The following CFAP92 variants were observed in gnomAD, a reference collection of about 807,000 sequenced individuals.
CFAP92 encodes the protein uncharacterized protein CFAP92.
In CFAP92, 86 loss-of-function variants were observed where a neutral mutation model predicts 106.3. That is an observed-to-expected ratio of 0.81 (90% CI 0.68 to 0.97). The LOEUF (loss-of-function observed/expected upper bound fraction) is 0.97. Ranked by LOEUF, CFAP92 falls within the 50% of genes least tolerant of loss-of-function variation. CFAP92 has a pLI of 0.00. For missense variants in CFAP92, 1,204 were observed against 1,283.8 expected, an observed-to-expected ratio of 0.94 and a Z score of 0.95; for synonymous variants, 477 against 506.4, an observed-to-expected ratio of 0.94 and a Z score of 0.78.
chr3:128,965,262 C>G (rs1178764196), intron 9 of CFAP92, among the ~76,000 whole-genome samples: 2 of 152,202 alleles, frequency 1.3e-5, no homozygotes, highest in African/African-American at 2.4e-5. Flanking sequence ...CTTCCCAAAT[C>G]CTATAAAACG....
intron 10 of CFAP92, among the ~76,000 whole-genome samples, chr3:128,943,880 TTTTG>T (rs1288234391): frequency 6.6e-6 from 1 of 151,822 alleles, no homozygotes; most frequent in Admixed American, 6.6e-5. Context: ...ACTTATTATC[TTTTG>T]TTTATCAGTT....
chr3:129,000,322 A>G (rs1944663922), intron 1 of CFAP92, among the ~76,000 whole-genome samples: 1 of 152,248 alleles, frequency 6.6e-6, no homozygotes, highest in Non-Finnish European at 1.5e-5. Flanking sequence ...TACTCTGGGC[A>G]AAGCCTTCAA....
chr3:128,910,334 CTGAG>C lies in CFAP92; in HGVS notation c.3281-5_3281-2del. The C allele has an allele frequency of 6.8e-7, 1 of 1,474,802 alleles. No individual in the cohort carries two copies. Among genetic ancestry groups the C allele is most frequent in the African/African-American group, 1.4e-5 (1 of 71,294 alleles). 91.4% of individuals were successfully genotyped at this position (1,474,802 alleles called of 1,614,324 possible). A position where few individuals can be genotyped will look rare whatever the true frequency, so the allele number is the denominator to read the frequency against. On this transcript the variant is annotated splice_acceptor_variant and splice_polypyrimidine_tract_variant and intron_variant, in intron 15 of 15. Coordinates refer to ENST00000645291, the MANE Select transcript of CFAP92 (RefSeq NM_001394090.1). LOFTEE classifies it high-confidence loss of function. Reference sequence around the variant, plus strand: ...GGGCTGTTCCCTTTCTTCTTCCTGACTGAGAGAAGAGGGGGTGAGTGACAGGGGT... The same window carrying C: ...GGGCTGTTCCCTTTCTTCTTCCTGACAGAAGAGGGGGTGAGTGACAGGGGT...
chr3:128,980,366 CAA>C (rs71153158), intron 4 of CFAP92, among the ~76,000 whole-genome samples: 25,985 of 100,760 alleles, frequency 0.26, 2,529 homozygotes, highest in Middle Eastern at 0.3. Flanking sequence ...GACCCTGTCT[CAA>C]AAAAAAAAAA....
intron 10 of CFAP92, among the ~76,000 whole-genome samples, 199 bp downstream of exon 10, chr3:128,944,871 TC>T (rs1383792124): frequency 6.6e-6 from 1 of 152,068 alleles, no homozygotes; most frequent in Non-Finnish European, 1.5e-5. Context: ...TCTTAGATAC[TC>T]CCGAATTCCT....
At chr3:128,961,460 T>A (rs898066650) in intron 9 of CFAP92, among the ~76,000 whole-genome samples, 2 of 150,410 alleles carry the variant, frequency 1.3e-5, no homozygotes, top group African/African-American at 2.5e-5. Context: ...CCTATAATCC[T>A]TTTATCACCT....
At chr3:128,912,619 G>C (rs754971675) in intron 15 of CFAP92, 12 of 1,600,696 alleles carry the variant, frequency 7.5e-6, no homozygotes, top group Middle Eastern at 1.6e-4. Context: ...GCAGGGGACA[G>C]TGTCCCCTGC....
intron 2 of CFAP92, 99 bp downstream of exon 2, chr3:128,992,944 G>A: frequency 7.0e-7 from 1 of 1,418,982 alleles, no homozygotes; most frequent in Admixed American, 1.7e-5. Flanking sequence ...GGGTGGGGCA[G>A]GTGGAGAGAG....
intron 15 of CFAP92, among the ~76,000 whole-genome samples, chr3:128,913,676 T>C (rs985287152): frequency 1.3e-5 from 2 of 152,142 alleles, no homozygotes; most frequent in Non-Finnish European, 2.9e-5. Context: ...CTTGGAGAGC[T>C]GAGCTGGCTG....
chr3:128,970,468 T>C (rs916881144), intron 8 of CFAP92: 3 of 150,794 alleles, frequency 2.0e-5, no homozygotes, highest in Non-Finnish European at 2.9e-5. Flanking sequence ...ACAAGACACG[T>C]GATGGCAAAA....
chr3:129,026,599 C>T, the CFAP92 span, among the ~76,000 whole-genome samples: 1 of 152,194 alleles, frequency 6.6e-6, no homozygotes, highest in Non-Finnish European at 1.5e-5. Context: ...CCCATCTTTG[C>T]TGTCTCACCC....
chr3:128,970,828 G>A (rs1304177074), intron 8 of CFAP92: 1 of 162,490 alleles, frequency 6.2e-6, no homozygotes, highest in Non-Finnish European at 1.3e-5. Flanking sequence ...TTGGCTGAGT[G>A]GGTCAGAATT....
chr3:128,963,365 T>G (rs930977241), intron 9 of CFAP92, among the ~76,000 whole-genome samples: 30 of 152,336 alleles, frequency 2.0e-4, no homozygotes, highest in African/African-American at 6.7e-4. Context: ...GCCGCTGCTT[T>G]AATACTGTTA....
At chr3:128,973,900 C>G (rs983705126) in intron 7 of CFAP92, among the ~76,000 whole-genome samples, 6 of 152,218 alleles carry the variant, frequency 3.9e-5, no homozygotes, top group African/African-American at 1.4e-4. Context: ...TGGCAAAATG[C>G]TAACACCTAA....
Position 128,919,749 on chromosome 3 carries a change from T to C in CFAP92, c.2752-3478A>G, listed in dbSNP as rs538016241. On this transcript the variant is annotated intron_variant, in intron 12 of 15. Coordinates refer to ENST00000645291, the MANE Select transcript of CFAP92 (RefSeq NM_001394090.1). Reference sequence around the variant, plus strand: ...AAAGAAGCTTAAGAAGTTTAGAAGCTAAGGAGGTATTTTGGAAAATGCTGC... The same window carrying C: ...AAAGAAGCTTAAGAAGTTTAGAAGCCAAGGAGGTATTTTGGAAAATGCTGC... Among the ~76,000 whole-genome samples the C allele has an allele frequency of 9.2e-5, 14 of 152,330 alleles. No individual in the cohort carries two copies. The South Asian group carries it at 2.9e-3, about 32-fold the overall frequency.
At chr3:128,987,213 G>T (rs928735231) in intron 4 of CFAP92, among the ~76,000 whole-genome samples, 1 of 152,094 alleles carries the variant, frequency 6.6e-6, no homozygotes, top group Non-Finnish European at 1.5e-5. Context: ...AATGAGTCTG[G>T]AAGAGTCTAC....
intron 9 of CFAP92, among the ~76,000 whole-genome samples, chr3:128,964,880 C>T (rs544764703): frequency 1.1e-4 from 16 of 152,226 alleles, no homozygotes; most frequent in Middle Eastern, 3.4e-3. Flanking sequence ...CTCTCCACAC[C>T]ACCCCCCAAA....
At chr3:128,991,888 T>G in intron 2 of CFAP92, 2 of 986,630 alleles carry the variant, frequency 2.0e-6, no homozygotes, top group Non-Finnish European at 2.4e-6. Context: ...AGATGTGAAG[T>G]ACTACTTGTC....
chr3:128,959,484 G>A lies in CFAP92; in HGVS notation c.1353+6027C>T, dbSNP rs536745126. On this transcript the variant is annotated intron_variant, in intron 9 of 15. Transcript: ENST00000645291. The stretch of plus-strand genomic sequence containing the variant: ...ATAAATCTCCCATTGACCTTTTCTC[G>A]AGAAGCTACTAGAGGATGCACTCCA... Among the ~76,000 whole-genome samples, 13 of 152,210 alleles carry A rather than the reference G, an allele frequency of 8.5e-5. No individual in the cohort carries two copies. The South Asian group carries it at 1.7e-3, about 19-fold the overall frequency.
Sources: gnomAD v4.1 joint callset for allele counts (sites outside exome capture counted in the v4.1 genomes callset) on GRCh38, gnomAD v4.1.1 for gene constraint, MANE v1.5 for transcripts, NCBI Gene and HGNC (gene_info 2026-07-23, HGNC 2026-07-21) for gene names.